The following ATP8A2 variants were observed in gnomAD, a reference collection of about 807,000 sequenced individuals.
ATP8A2 encodes ATPase phospholipid transporting 8A2.
Under a neutral mutation model 165.6 loss-of-function variants are expected in ATP8A2, and 100 were observed. That is an observed-to-expected ratio of 0.60 (90% confidence interval 0.51 to 0.71). ATP8A2 has a LOEUF of 0.71. ATP8A2 is among the 30% of genes least tolerant of loss of function. The probability of loss-of-function intolerance (pLI) is 0.00; values close to 1 mark genes in which losing one functional copy is unlikely to be tolerated. For missense variants in ATP8A2, 1,227 were observed against 1,479.5 expected (o/e 0.83, Z 2.80); for synonymous variants, 543 against 548.8 (o/e 0.99, Z 0.15).
intron 25 of ATP8A2, among the ~76,000 whole-genome samples, chr13:25,739,441 G>A (rs1246431362): frequency 2.0e-5 from 3 of 152,238 alleles, no homozygotes; most frequent in Admixed American, 6.5e-5. Flanking sequence ...ACTTGCTTAT[G>A]TATAACTAAG....
chr13:25,636,718 T>C (rs138984195), intron 24 of ATP8A2, among the ~76,000 whole-genome samples: 1 of 152,290 alleles, frequency 6.6e-6, no homozygotes, highest in Non-Finnish European at 1.5e-5. Context: ...TATTATTCCC[T>C]AGTTTTTAGA....
intron 10 of ATP8A2, among the ~76,000 whole-genome samples, chr13:25,551,081 T>C (rs996496143): frequency 6.6e-6 from 1 of 152,204 alleles, no homozygotes; most frequent in African/African-American, 2.4e-5. Context: ...TAAGATATAA[T>C]CATAAGAAGT....
At chr13:25,377,417 GGA>G in intron 1 of ATP8A2, among the ~76,000 whole-genome samples, 1 of 152,312 alleles carries the variant, frequency 6.6e-6, no homozygotes, top group Middle Eastern at 3.4e-3. Flanking sequence ...CTCCAGGACA[GGA>G]GAGAGCCCTT....
At chr13:25,881,023 T>G in intron 33 of ATP8A2, 1 of 424,684 alleles carries the variant, frequency 2.4e-6, no homozygotes, top group Non-Finnish European at 4.7e-6. Flanking sequence ...GGTCCAAGGT[T>G]AAGGATATTT....
chr13:25,551,418 C>T lies in ATP8A2; in HGVS notation c.972C>T (p.Leu324=). ...NVQILVLFGI[L]LVMALVSSAG... is the part of the protein sequence containing the mutation. ...AGATCCTGGTGTTGTTTGGCATCCT[C>T]TTGGTCATGGCCTTGGTGAGCTCGG... Residue 324 remains leucine, a synonymous_variant, in exon 11 of 37, where the codon CTC becomes CTT. Coordinates refer to ENST00000381655, the MANE Select transcript of ATP8A2 (RefSeq NM_016529.6). 3 of 1,614,134 alleles carry T rather than the reference C, an allele frequency of 1.9e-6. No individual in the cohort carries two copies. Among genetic ancestry groups the T allele is most frequent in the East Asian group, 2.2e-5 (1 of 44,878 alleles).
intron 33 of ATP8A2, among the ~76,000 whole-genome samples, chr13:25,937,362 C>CTTTTTTTTTTTTTTTTTTTTTTTT (rs1555293658): frequency 1.5e-4 from 6 of 38,804 alleles, no homozygotes; most frequent in South Asian, 1.7e-3. Context: ...TTCTTTCTTT[C>CTTTTTTTTTTTTTTTTTTTTTTTT]TTTTTTTTTT....
chr13:25,544,332 T>G (rs1439910728), intron 10 of ATP8A2, among the ~76,000 whole-genome samples: 1 of 152,238 alleles, frequency 6.6e-6, no homozygotes, highest in African/African-American at 2.4e-5. Flanking sequence ...ATGCTAAGAA[T>G]GATTCCCGTG....
chr13:26,023,654 G>A lies in ATP8A2; in HGVS notation c.*3669G>A, dbSNP rs1473598088. On this transcript the variant is annotated 3_prime_UTR_variant, in exon 37 of 37. Transcript: ENST00000381655. ...TTGGAACCATAAAGCATTTTTATCA[G>A]GTACCTCTGTTCCAAGGGATTTATG... is the stretch of plus-strand genomic sequence containing the variant. The A allele has an allele frequency of 6.6e-6, 1 of 152,134 alleles. No individual in the cohort carries two copies. The highest frequency in any genetic ancestry group is 2.4e-5 in the African/African-American group (1 of 41,406). The allele number at this position is 152,134 out of a possible 1,614,324, so 9.4% of individuals were successfully genotyped here.
chr13:25,479,645 C>T (rs2036101353), intron 2 of ATP8A2, among the ~76,000 whole-genome samples: 2 of 152,038 alleles, frequency 1.3e-5, no homozygotes, highest in South Asian at 2.1e-4. Flanking sequence ...AGGCCTTCCG[C>T]AGTGTTTGTG....
At chr13:25,437,768 A>G (rs1222841094) in intron 1 of ATP8A2, among the ~76,000 whole-genome samples, 1 of 152,216 alleles carries the variant, frequency 6.6e-6, no homozygotes, top group African/African-American at 2.4e-5. Flanking sequence ...CTTTATCTGA[A>G]GTCTAAAGAA....
chr13:25,854,047 C>G (rs745354333), intron 30 of ATP8A2, among the ~76,000 whole-genome samples: 1 of 152,148 alleles, frequency 6.6e-6, no homozygotes, highest in Non-Finnish European at 1.5e-5. Flanking sequence ...GGTTTTGTAA[C>G]TCTTATTACG....
chr13:25,376,735 T>A (rs1593224896), intron 1 of ATP8A2, among the ~76,000 whole-genome samples: 1 of 152,236 alleles, frequency 6.6e-6, no homozygotes, highest in East Asian at 1.9e-4. Context: ...TCCTATGTAA[T>A]AGAAGAATTG....
chr13:25,507,842 G>A (rs1004321636), intron 2 of ATP8A2, among the ~76,000 whole-genome samples: 1 of 152,072 alleles, frequency 6.6e-6, no homozygotes, highest in African/African-American at 2.4e-5. Flanking sequence ...ATACAAATGA[G>A]TAGTCTAGAA....
rs537860699 is a variant in ATP8A2, at chr13:25,375,612, C to T, written c.76+3324C>T. 1.4e-3 allele frequency among the ~76,000 whole-genome samples: 208 copies of T among 151,546 alleles called. 2 individuals carry two copies. The highest frequency in any genetic ancestry group is 4.7e-3 in the African/African-American group (195 of 41,290). ...TTTTTTTTTTTTATTTTGAGCCTGT[C>T]GTCAGGCTGGAGTGCAGTGGTGTGA... is the stretch of plus-strand genomic sequence containing the variant. On this transcript the variant is annotated intron_variant, in intron 1 of 36. Transcript: ENST00000381655.
At chr13:25,930,440 G>C (rs1208213645) in intron 33 of ATP8A2, among the ~76,000 whole-genome samples, 7 of 131,502 alleles carry the variant, frequency 5.3e-5, no homozygotes, top group Non-Finnish European at 1.1e-4. Context: ...GTGGGCTATT[G>C]CCTCTGTGTG....
At chr13:25,815,237 G>T (rs964615469) in intron 27 of ATP8A2, among the ~76,000 whole-genome samples, 5 of 152,200 alleles carry the variant, frequency 3.3e-5, no homozygotes, top group African/African-American at 1.2e-4. Context: ...CCCTTCAAAA[G>T]ATTCTATCAA....
intron 1 of ATP8A2, among the ~76,000 whole-genome samples, chr13:25,433,432 A>G (rs985600435): frequency 2.6e-5 from 4 of 151,886 alleles, no homozygotes; most frequent in African/African-American, 4.8e-5. Flanking sequence ...GCCACCATTC[A>G]TGGCTAATTT....
At chr13:25,511,533 G>A (rs2037224672) in intron 2 of ATP8A2, among the ~76,000 whole-genome samples, 1 of 152,106 alleles carries the variant, frequency 6.6e-6, no homozygotes, top group Admixed American at 6.6e-5. Flanking sequence ...AGAACATCTT[G>A]CAGTAAGAGG....
rs181708391 is a variant in ATP8A2 at position 25,787,955 on chromosome 13, T to C, written c.2679+12996T>C. Among the ~76,000 whole-genome samples the C allele has an allele frequency of 3.3e-5, 5 of 152,348 alleles. No individual in the cohort carries two copies. The East Asian group carries it at 9.6e-4, about 29-fold the overall frequency. On this transcript the variant is annotated intron_variant, in intron 27 of 36. Coordinates refer to ENST00000381655, the MANE Select transcript of ATP8A2 (RefSeq NM_016529.6). Reference sequence around the variant, plus strand: ...CCTGGTGACCAATGCCTGCCAGCCCTTTCTGCACAGAAGAAATGCCAGGAC... The same window carrying C: ...CCTGGTGACCAATGCCTGCCAGCCCCTTCTGCACAGAAGAAATGCCAGGAC...
Sources: allele counts gnomAD v4.1 joint callset (sites outside exome capture counted in the v4.1 genomes callset), GRCh38; gene constraint gnomAD v4.1.1; transcripts MANE v1.5; gene names NCBI Gene and HGNC (gene_info 2026-07-23, HGNC 2026-07-21).